LAMP1: variants seen among roughly 807,000 people sequenced by gnomAD.
LAMP1 encodes lysosome-associated membrane glycoprotein 1.
In LAMP1, 7 loss-of-function variants were observed where a neutral mutation model predicts 37.5. That is an observed-to-expected ratio of 0.19 (90% CI 0.11 to 0.35). The LOEUF is 0.35. Among genes scored for constraint, LAMP1 ranks in the 10% least tolerant of loss-of-function variants. The pLI is 1.00. For missense variants in LAMP1, 537 were observed against 552.8 expected (o/e 0.97, Z 0.29); for synonymous variants, 236 against 229.1 (o/e 1.03, Z -0.27).
chr13:113,316,611 C>T (rs1012465271), intron 4 of LAMP1, among the ~76,000 whole-genome samples: 2 of 152,116 alleles, frequency 1.3e-5, no homozygotes, highest in East Asian at 1.9e-4. Context: ...TTAGTAGAGA[C>T]GGGGTTTCAC....
rs1235048436 is a variant in LAMP1, at chr13:113,297,553, G to C, written c.61+58G>C. 4.1e-6 allele frequency: 5 copies of C among 1,208,698 alleles called. No homozygotes were observed. Among genetic ancestry groups the C allele is most frequent in the Non-Finnish European group, 5.1e-6 (5 of 971,060 alleles). 74.9% of individuals were successfully genotyped at this position (1,208,698 alleles called of 1,614,324 possible). Reference sequence around the variant, plus strand: ...GGGACCGGGCGGAGCCGAGGTCCCTGGGTCTTGAGGGCGGGGGACTGCCGG... The same window carrying C: ...GGGACCGGGCGGAGCCGAGGTCCCTCGGTCTTGAGGGCGGGGGACTGCCGG... On this transcript the variant is annotated intron_variant, in intron 1 of 8. Transcript: ENST00000332556. This position sits in a 1 kb window ranked among gnomAD's most constrained non-coding sequence, Gnocchi z 4.4.
At position 113,320,547 on chromosome 13, in the gene LAMP1, T is replaced by A; in HGVS notation, c.876+77T>A. The stretch of plus-strand genomic sequence containing the variant: ...TCTTTTTGTGCCCTGGGTCTGCTCA[T>A]GGGAGGCAGCGTTAGGAAGGAGGCG... On this transcript the variant is annotated intron_variant, in intron 6 of 8. Transcript: ENST00000332556. The surrounding 1 kb of genome is among the most constrained non-coding windows in gnomAD (Gnocchi z 4.4). The A allele has an allele frequency of 6.6e-7, 1 of 1,518,550 alleles. No homozygotes were observed. The highest frequency in any genetic ancestry group is 8.9e-7 in the Non-Finnish European group (1 of 1,121,310). The allele number at this position is 1,518,550 out of a possible 1,614,324, so 94.1% of individuals were successfully genotyped here.
At chr13:113,309,479 A>G (rs555485408) in intron 2 of LAMP1, among the ~76,000 whole-genome samples, 164 bp from the exon 3 acceptor site, 1 of 152,340 alleles carries the variant, frequency 6.6e-6, no homozygotes, top group East Asian at 1.9e-4. Flanking sequence ...ACTGACATGT[A>G]ATACTAACCT....
intron 3 of LAMP1, 23 bp from the exon 4 acceptor site, chr13:113,310,686 G>A: frequency 6.4e-6 from 9 of 1,403,840 alleles, no homozygotes; most frequent in Non-Finnish European, 8.8e-6. Flanking sequence ...TTGCAATTGT[G>A]ATTTTTTTTT....
chr13:113,302,369 T>C (rs1448401764), intron 1 of LAMP1, among the ~76,000 whole-genome samples: 1 of 151,680 alleles, frequency 6.6e-6, no homozygotes, highest in Non-Finnish European at 1.5e-5. Flanking sequence ...ATATATTTTT[T>C]AGTAGAGACG....
In LAMP1 at chr13:113,320,634, C is replaced by A. The variant is rs561119113; in HGVS notation, c.876+164C>A. On this transcript the variant is annotated intron_variant, in intron 6 of 8. Transcript: ENST00000332556. The surrounding 1 kb of genome is among the most constrained non-coding windows in gnomAD (Gnocchi z 4.4). ...TTTTAGTTCCTTGGTTCCCCTCCCC[C>A]CTTTCCATTCCATTCATAGATGCAG... is the stretch of plus-strand genomic sequence containing the variant. 5 of 675,044 alleles carry A rather than the reference C, an allele frequency of 7.4e-6. No individual in the cohort carries two copies. 41.8% of individuals were successfully genotyped at this position (675,044 alleles called of 1,614,324 possible).
intron 1 of LAMP1, among the ~76,000 whole-genome samples, chr13:113,303,973 T>C (rs578122782): frequency 1.2e-3 from 177 of 152,168 alleles, no homozygotes; most frequent in African/African-American, 4.2e-3. Context: ...TAGTCCCAGC[T>C]ACTCAGGAGG....
chr13:113,313,072 C>T lies in LAMP1; in HGVS notation c.562+2205C>T, dbSNP rs542016321. On this transcript the variant is annotated intron_variant, in intron 4 of 8. Transcript: ENST00000332556. ...GCTGACCTTGTCCGGGGACTCCCTA[C>T]TGGCTAGGCCTGGACACGGTTGCAG... Among the ~76,000 whole-genome samples the T allele has an allele frequency of 1.3e-4, 20 of 152,304 alleles. No homozygotes were observed. In the South Asian group the frequency reaches 1.7e-3, roughly 13 times the overall value.
chr13:113,316,299 C>T (rs928677428), intron 4 of LAMP1, among the ~76,000 whole-genome samples: 23 of 152,036 alleles, frequency 1.5e-4, no homozygotes, highest in African/African-American at 7.3e-5. Flanking sequence ...GGGGTGTCTT[C>T]GTCTTTTATC....
chr13:113,321,623 A>C lies in LAMP1; in HGVS notation c.1010A>C (p.Lys337Thr). The change falls in exon 8 of 9, where the codon AAG (lysine) becomes ACG (threonine). Residue 337 changes from lysine to threonine, a missense_variant. By Grantham distance (78) the Lys-to-Thr change is moderately conservative. Coordinates refer to ENST00000332556, the MANE Select transcript of LAMP1 (RefSeq NM_005561.4). The surrounding 1 kb of genome is among the most constrained non-coding windows in gnomAD (Gnocchi z 5.6). ...CAGGCCACAGTCGGCAATTCCTACA[A>C]GTGCAACGCGGAGGAGCACGTCCGT... ...ALQATVGNSYKCNAEEHVRVT... is the reference protein window; with the variant it reads ...ALQATVGNSYTCNAEEHVRVT... The C allele has an allele frequency of 6.2e-7, 1 of 1,614,226 alleles. No homozygotes were observed. Among genetic ancestry groups the C allele is most frequent in the Non-Finnish European group, 8.5e-7 (1 of 1,180,032 alleles).
Position 113,300,884 on chromosome 13 carries a change from G to A in LAMP1, c.61+3389G>A, listed in dbSNP as rs140932677. ...TTTGATTGTGCAGATTGTCAGTTAT[G>A]CGGTGGAAAGAATGAATTTGTCAGC... On this transcript the variant is annotated intron_variant, in intron 1 of 8. Coordinates refer to ENST00000332556, the MANE Select transcript of LAMP1 (RefSeq NM_005561.4). Among the ~76,000 whole-genome samples, 33 of 152,248 alleles carry A rather than the reference G, an allele frequency of 2.2e-4. No homozygotes were observed. The East Asian group carries it at 3.9e-3, about 18-fold the overall frequency.
At position 113,301,437 on chromosome 13, in the gene LAMP1, A is replaced by G. The variant is rs576119076; in HGVS notation, c.61+3942A>G. 5.9e-5 allele frequency among the ~76,000 whole-genome samples: 9 copies of G among 151,980 alleles called. No individual in the cohort carries two copies. In the East Asian group the frequency reaches 1.2e-3, roughly 20 times the overall value. ...GGAGTTCGAGACCAGCCTGGGCAAT[A>G]TGGTGAAATCCCATCTCTACTAAAA... On this transcript the variant is annotated intron_variant, in intron 1 of 8. Transcript: ENST00000332556.
At chr13:113,301,858 CTTTTTTT>C (rs539321614) in intron 1 of LAMP1, among the ~76,000 whole-genome samples, 1 of 74,332 alleles carries the variant, frequency 1.3e-5, no homozygotes, top group Admixed American at 1.8e-4. Context: ...GATGTGATTT[CTTTTTTT>C]TTTTTTTTTT....
intron 3 of LAMP1, 134 bp from the exon 4 acceptor site, chr13:113,310,575 C>G (rs994303526): frequency 3.6e-6 from 3 of 826,260 alleles, no homozygotes. Flanking sequence ...AAGTAGTTTG[C>G]AATTGTGATT....
chr13:113,321,542 C>G lies in LAMP1; in HGVS notation c.944-15C>G, dbSNP rs746512278. ...AGGGTATTCTGGAGCCACTAGACCT[C>G]TGTGTGTGTTGCAGACCCTGCCTTT... On this transcript the variant is annotated splice_polypyrimidine_tract_variant and intron_variant, in intron 7 of 8. Coordinates refer to ENST00000332556, the MANE Select transcript of LAMP1 (RefSeq NM_005561.4). This position sits in a 1 kb window ranked among gnomAD's most constrained non-coding sequence, Gnocchi z 5.6. 59 of 1,613,748 alleles carry G rather than the reference C, an allele frequency of 3.7e-5. No homozygotes were observed. Among genetic ancestry groups the G allele is most frequent in the Non-Finnish European group, 4.4e-5 (52 of 1,180,010 alleles).
rs754177508 is a variant in LAMP1, at chr13:113,315,097, G to GT, written c.562+4231dup. Among the ~76,000 whole-genome samples the GT allele has an allele frequency of 4.1e-5, 6 of 145,326 alleles. No individual in the cohort carries two copies. In the East Asian group the frequency reaches 1.1e-3, roughly 26 times the overall value. ...GGGTGTGGCCTCCTAGAGGGAACCA[G>GT]TGTGGAGATGTCGGTGTGCCTGGGG... On this transcript the variant is annotated intron_variant, in intron 4 of 8. Coordinates refer to ENST00000332556, the MANE Select transcript of LAMP1 (RefSeq NM_005561.4).
At chr13:113,307,267 C>T (rs1013993000) in intron 2 of LAMP1, among the ~76,000 whole-genome samples, 1 of 151,522 alleles carries the variant, frequency 6.6e-6, no homozygotes, top group Non-Finnish European at 1.5e-5. Context: ...AAGCAGTTCT[C>T]CTGCCTTAGC....
At position 113,320,149 on chromosome 13, in the gene LAMP1, A is replaced by G. The variant is rs1480208008; in HGVS notation, c.751-196A>G. On this transcript the variant is annotated intron_variant, in intron 5 of 8. Coordinates refer to ENST00000332556, the MANE Select transcript of LAMP1 (RefSeq NM_005561.4). This position sits in a 1 kb window ranked among gnomAD's most constrained non-coding sequence, Gnocchi z 4.4. ...CCTCCACGCGGGGACGCTGCACTCCAAGAGCAGCTGTCACGGGGTCAGGGA... is the reference window on the plus strand; with the variant it reads ...CCTCCACGCGGGGACGCTGCACTCCGAGAGCAGCTGTCACGGGGTCAGGGA... 6.6e-6 allele frequency among the ~76,000 whole-genome samples: 1 copy of G among 152,184 alleles called. No individual in the cohort carries two copies. The highest frequency in any genetic ancestry group is 1.5e-5 in the Non-Finnish European group (1 of 68,034).
chr13:113,313,624 G>A (rs2042643339), intron 4 of LAMP1, among the ~76,000 whole-genome samples: 2 of 149,114 alleles, frequency 1.3e-5, no homozygotes, highest in African/African-American at 5.0e-5. Flanking sequence ...GGAGATGTCG[G>A]TGTGCCTGGG....
Sources: gnomAD v4.1 joint callset for allele counts (sites outside exome capture counted in the v4.1 genomes callset) on GRCh38, gnomAD v4.1.1 for gene constraint, Gnocchi (gnomAD v3.1) non-coding constraint, MANE v1.5 for transcripts, NCBI Gene and HGNC (gene_info 2026-07-23, HGNC 2026-07-21) for gene names.